KLHL24: variants seen among roughly 807,000 people sequenced by gnomAD.
The protein encoded by KLHL24 is kelch like family member 24.
Under a neutral mutation model 53.4 loss-of-function variants are expected in KLHL24, and 29 were observed. The observed-to-expected ratio is 0.54, with a 90% confidence interval of 0.40 to 0.74. The LOEUF is 0.74. KLHL24 is among the 30% of genes least tolerant of loss of function. KLHL24 has a pLI of 0.00. For synonymous variants in KLHL24, 222 were observed against 253.7 expected (o/e 0.88, Z 1.19); for missense variants, 504 against 744.0 (o/e 0.68, Z 3.75).
chr3:183,668,003 A>G (rs1407154259), intron 5 of KLHL24, among the ~76,000 whole-genome samples: 1 of 150,548 alleles, frequency 6.6e-6, no homozygotes. Context: ...ATGAGCCACC[A>G]TGCCCAGCTC....
intron 1 of KLHL24, among the ~76,000 whole-genome samples, chr3:183,638,718 T>A (rs1322071206): frequency 6.6e-6 from 1 of 152,164 alleles, no homozygotes; most frequent in Non-Finnish European, 1.5e-5. Flanking sequence ...GGAGAATCTC[T>A]TGAGCTCTGG....
chr3:183,657,500 A>C (rs1006462443), intron 3 of KLHL24, among the ~76,000 whole-genome samples: 3 of 152,262 alleles, frequency 2.0e-5, no homozygotes, highest in African/African-American at 7.2e-5. Context: ...TGTTGAAAAC[A>C]AATGAGAAGA....
At chr3:183,652,775 T>G (rs1480804528) in intron 3 of KLHL24, among the ~76,000 whole-genome samples, 1 of 152,206 alleles carries the variant, frequency 6.6e-6, no homozygotes, top group East Asian at 1.9e-4. Context: ...TATTAGTTCT[T>G]CGAGAACTTT....
intron 7 of KLHL24, among the ~76,000 whole-genome samples, chr3:183,675,264 G>A (rs1219895380): frequency 6.6e-6 from 1 of 152,126 alleles, no homozygotes; most frequent in East Asian, 1.9e-4. Flanking sequence ...AGTGAATAGG[G>A]TTTGAATATA....
At chr3:183,678,926 T>A (rs1382958129) in intron 7 of KLHL24, among the ~76,000 whole-genome samples, 160 bp from the exon 8 acceptor site, 1 of 151,642 alleles carries the variant, frequency 6.6e-6, no homozygotes, top group Non-Finnish European at 1.5e-5. Flanking sequence ...TGTCCAGCGC[T>A]TACACAGAAC....
chr3:183,648,477 T>C (rs983653155), intron 2 of KLHL24, among the ~76,000 whole-genome samples: 1 of 147,452 alleles, frequency 6.8e-6, no homozygotes. Context: ...ATATTATCTG[T>C]GACATCCTTT....
intron 2 of KLHL24, among the ~76,000 whole-genome samples, chr3:183,648,556 A>G (rs576043132): frequency 6.6e-6 from 1 of 152,252 alleles, no homozygotes; most frequent in East Asian, 1.9e-4. Context: ...AGAAGTTGGG[A>G]ATGGTAGAAG....
At chr3:183,673,931 T>C (rs1721713483) in intron 7 of KLHL24, among the ~76,000 whole-genome samples, 1 of 152,226 alleles carries the variant, frequency 6.6e-6, no homozygotes, top group South Asian at 2.1e-4. Flanking sequence ...CTCAAATTTC[T>C]AACTGCCTAT....
chr3:183,653,182 A>T (rs150051126), intron 3 of KLHL24, among the ~76,000 whole-genome samples: 4 of 152,370 alleles, frequency 2.6e-5, no homozygotes, highest in Admixed American at 6.5e-5. Flanking sequence ...TATAAAAACC[A>T]AACTATAGTT....
chr3:183,659,977 T>C lies in KLHL24; in HGVS notation c.921-3481T>C, dbSNP rs79254792. 8.5e-3 allele frequency among the ~76,000 whole-genome samples: 1,298 copies of C among 152,228 alleles called. 24 individuals are homozygous for C. The highest frequency in any genetic ancestry group is 0.03 in the African/African-American group (1,245 of 41,546). ...AAGGTGGTGGTGGTGTTTTTTTTTCTTTTGTTCTTTCTTAACTTGCAGCAG... is the reference window on the plus strand; with the variant it reads ...AAGGTGGTGGTGGTGTTTTTTTTTCCTTTGTTCTTTCTTAACTTGCAGCAG... On this transcript the variant is annotated intron_variant, in intron 3 of 7. Coordinates refer to ENST00000242810, the MANE Select transcript of KLHL24 (RefSeq NM_017644.3).
At chr3:183,638,072 C>T (rs1411662012) in intron 1 of KLHL24, among the ~76,000 whole-genome samples, 1 of 152,198 alleles carries the variant, frequency 6.6e-6, no homozygotes, top group Non-Finnish European at 1.5e-5. Flanking sequence ...GAGATGGTTA[C>T]ACCGGAATGA....
chr3:183,678,496 C>A (rs1351447488), intron 7 of KLHL24, among the ~76,000 whole-genome samples: 1 of 150,528 alleles, frequency 6.6e-6, no homozygotes, highest in East Asian at 2.0e-4. Context: ...ATCTTGGCCC[C>A]AATTACTAAC....
chr3:183,679,091 CTG>C lies in KLHL24; in HGVS notation c.1611_1612del (p.Cys537TrpfsTer6), dbSNP rs1712400618. 1 of 1,612,236 alleles carries C rather than the reference CTG, an allele frequency of 6.2e-7. No homozygotes were observed. Among genetic ancestry groups the C allele is most frequent in the South Asian group, 1.1e-5 (1 of 91,026 alleles). ...VQNTFSRQEN[C>X]GMSVCNGKIY... Reference sequence around the variant, plus strand: ...TTATATATTTGGTTAAACAGGAAAACTGTGGTATGTCTGTGTGTAATGGTAAA... The same window carrying C: ...TTATATATTTGGTTAAACAGGAAAACTGGTATGTCTGTGTGTAATGGTAAA... On this transcript the variant is annotated frameshift_variant, in exon 8 of 8. Coordinates refer to ENST00000242810, the MANE Select transcript of KLHL24 (RefSeq NM_017644.3). LOFTEE classifies it high-confidence loss of function.
intron 3 of KLHL24, among the ~76,000 whole-genome samples, chr3:183,652,723 T>C (rs907090210): frequency 6.6e-6 from 1 of 152,226 alleles, no homozygotes; most frequent in African/African-American, 2.4e-5. Context: ...GTTTGAATAA[T>C]GTATTAATTA....
chr3:183,651,717 G>T (rs900937906), intron 3 of KLHL24, among the ~76,000 whole-genome samples: 3 of 152,158 alleles, frequency 2.0e-5, no homozygotes, highest in African/African-American at 7.2e-5. Context: ...TACTTTGGGA[G>T]GCCAAGGTGG....
rs1268043949 is a variant in KLHL24, at chr3:183,680,892, C to T, written c.*1606C>T. 2.6e-5 allele frequency: 4 copies of T among 152,032 alleles called. No individual in the cohort carries two copies. Among genetic ancestry groups the T allele is most frequent in the African/African-American group, 9.7e-5 (4 of 41,388 alleles). The allele number at this position is 152,032 out of a possible 1,614,324, so 9.4% of individuals were successfully genotyped here. A position where few individuals can be genotyped will look rare whatever the true frequency, so the allele number is the denominator to read the frequency against. The stretch of plus-strand genomic sequence containing the variant: ...ATGCAAATATGTAATTAAAGTGTCA[C>T]CAGATTTCTGTTAAAACCAAGGTTG... On this transcript the variant is annotated 3_prime_UTR_variant, in exon 8 of 8. Coordinates refer to ENST00000242810, the MANE Select transcript of KLHL24 (RefSeq NM_017644.3).
intron 1 of KLHL24, among the ~76,000 whole-genome samples, chr3:183,640,717 A>G (rs1007758156): frequency 1.3e-5 from 2 of 150,448 alleles, no homozygotes; most frequent in South Asian, 4.2e-4. Flanking sequence ...CCGCTGCCTC[A>G]GCCTCCTGAG....
At chr3:183,671,598 G>A (rs1361682712) in intron 6 of KLHL24, among the ~76,000 whole-genome samples, 1 of 152,122 alleles carries the variant, frequency 6.6e-6, no homozygotes, top group African/African-American at 2.4e-5. Flanking sequence ...TTCCAACTGG[G>A]TCATTTTCTA....
At chr3:183,653,715 A>T (rs1718458162) in intron 3 of KLHL24, among the ~76,000 whole-genome samples, 1 of 152,208 alleles carries the variant, frequency 6.6e-6, no homozygotes, top group African/African-American at 2.4e-5. Context: ...AGAGAATTTT[A>T]GGGGGAGACT....
Sources: allele counts gnomAD v4.1 joint callset (sites outside exome capture counted in the v4.1 genomes callset), GRCh38; gene constraint gnomAD v4.1.1; transcripts MANE v1.5; gene names NCBI Gene and HGNC (gene_info 2026-07-23, HGNC 2026-07-21).